The following ADHFE1 variants were observed in gnomAD, a reference collection of about 807,000 sequenced individuals.
The protein encoded by ADHFE1 is hydroxyacid-oxoacid transhydrogenase, mitochondrial.
ADHFE1 carries 37 observed loss-of-function variants against 54.8 expected under a neutral mutation model. The ratio of observed to expected loss-of-function variants is 0.68; its 90% CI spans 0.52 to 0.89. The LOEUF is 0.89. Ranked by LOEUF, ADHFE1 falls within the 40% of genes least tolerant of loss-of-function variation. The pLI, the probability that ADHFE1 is intolerant of heterozygous loss-of-function variation, is 0.00. For missense variants in ADHFE1, 601 were observed against 591.2 expected, an observed-to-expected ratio of 1.02 and a Z score of -0.17; for synonymous variants, 203 against 229.3, an observed-to-expected ratio of 0.89 and a Z score of 1.04.
At chr8:66,442,187 C>A (rs1247829912) in intron 2 of ADHFE1, among the ~76,000 whole-genome samples, 2 of 151,926 alleles carry the variant, frequency 1.3e-5, no homozygotes, top group Non-Finnish European at 2.9e-5. Context: ...CAACTCTAAA[C>A]CAGGGGATTT....
At chr8:66,450,175 C>G (rs904268960) in intron 8 of ADHFE1, among the ~76,000 whole-genome samples, 1 of 152,208 alleles carries the variant, frequency 6.6e-6, no homozygotes, top group African/African-American at 2.4e-5. Context: ...TAACTCCATT[C>G]TGGTCAATAT....
chr8:66,432,950 T>C, intron 1 of ADHFE1: 1 of 1,003,928 alleles, frequency 1.0e-6, no homozygotes, highest in Non-Finnish European at 1.2e-6. Flanking sequence ...TATTCTAGGT[T>C]CTGGGGATAC....
intron 12 of ADHFE1, among the ~76,000 whole-genome samples, chr8:66,458,231 A>T (rs553513779): frequency 3.9e-5 from 6 of 152,344 alleles, no homozygotes; most frequent in Admixed American, 2.0e-4. Flanking sequence ...GAAAGGCTAA[A>T]AAGAAAACTT....
Position 66,444,478 on chromosome 8 carries a change from C to G in ADHFE1, c.198+58C>G, listed in dbSNP as rs375732754. ...GTAAATGTTACATATCTCACAAGAC[C>G]ATGCTAAATGACAACAATCACATCC... On this transcript the variant is annotated intron_variant, in intron 4 of 13. Transcript: ENST00000396623. 1.9e-6 allele frequency: 3 copies of G among 1,607,180 alleles called. No individual in the cohort carries two copies. The African/African-American group carries it at 4.0e-5, about 22-fold the overall frequency.
intron 13 of ADHFE1, among the ~76,000 whole-genome samples, chr8:66,467,469 G>T (rs112425715): frequency 3.3e-5 from 5 of 152,180 alleles, no homozygotes; most frequent in South Asian, 2.1e-4. Context: ...TCTGGTAGGC[G>T]CAGGGCAGAG....
chr8:66,441,800 C>T (rs1361819100), intron 2 of ADHFE1, among the ~76,000 whole-genome samples: 2 of 151,766 alleles, frequency 1.3e-5, no homozygotes, highest in Admixed American at 6.6e-5. Flanking sequence ...TGTGAAACCC[C>T]GTCCCTACTA....
chr8:66,433,963 G>A lies in ADHFE1; in HGVS notation c.59+1388G>A, dbSNP rs552363282. Among the ~76,000 whole-genome samples the A allele has an allele frequency of 8.5e-5, 13 of 152,328 alleles. No homozygotes were observed. The South Asian group carries it at 1.4e-3, about 17-fold the overall frequency. On this transcript the variant is annotated intron_variant, in intron 1 of 13. Coordinates refer to ENST00000396623, the MANE Select transcript of ADHFE1 (RefSeq NM_144650.3). Reference sequence around the variant, plus strand: ...GTGTCACACACAGAATATGTTTTTGGAATGGTTGCATGAAAAGGGAGTATG... The same window carrying A: ...GTGTCACACACAGAATATGTTTTTGAAATGGTTGCATGAAAAGGGAGTATG...
In ADHFE1 at chr8:66,432,552, G is replaced by C. The variant is rs1805250723; in HGVS notation, c.36G>C (p.Leu12Phe). 1 of 1,356,652 alleles carries C rather than the reference G, an allele frequency of 7.4e-7. No homozygotes were observed. The highest frequency in any genetic ancestry group is 9.6e-7 in the Non-Finnish European group (1 of 1,044,704). 84.0% of individuals were successfully genotyped at this position (1,356,652 alleles called of 1,614,324 possible). The change falls in exon 1 of 14, where the codon TTG becomes TTC. Residue 12 changes from leucine to phenylalanine, a missense_variant. Leu to Phe is a conservative substitution (Grantham distance 22). Transcript: ENST00000396623. ...AAAARARVAY[L>F]LRQLQRAACQ... ...CCGCCCGAGCCCGGGTCGCGTACTT[G>C]CTGAGGCAACTGCAACGCGCAGCGT...
In ADHFE1 at chr8:66,460,362, C is replaced by G; in HGVS notation, c.1217C>G (p.Thr406Arg). The G allele has an allele frequency of 2.5e-6, 4 of 1,614,190 alleles. No individual in the cohort carries two copies. The highest frequency in any genetic ancestry group is 3.4e-6 in the Non-Finnish European group (4 of 1,180,024). The part of the protein sequence containing the change: ...IQDAGLVLAD[T>R]LRKFLFDLDV... ...GATGCAGGGCTGGTGTTGGCAGACA[C>G]GCTCCGGAAATTCTTATTCGATCTG... The change falls in exon 13 of 14, where the codon ACG (threonine) becomes AGG (arginine). Residue 406 changes from threonine to arginine, a missense_variant. Thr to Arg is a moderately conservative substitution (Grantham distance 71, BLOSUM62 -1). Transcript: ENST00000396623.
At chr8:66,467,175 G>C (rs899315987) in intron 13 of ADHFE1, among the ~76,000 whole-genome samples, 1 of 152,194 alleles carries the variant, frequency 6.6e-6, no homozygotes, top group Non-Finnish European at 1.5e-5. Context: ...ACCACAGGAG[G>C]TGAGAAGCGC....
At chr8:66,444,508 T>C (rs1586450555) in intron 4 of ADHFE1, 86 bp from the exon 5 acceptor site, 2 of 1,607,030 alleles carry the variant, frequency 1.2e-6, no homozygotes, top group Admixed American at 3.4e-5. Context: ...ACATCCTCTA[T>C]TTTTAAAAAT....
At chr8:66,465,752 A>T (rs890703908) in intron 13 of ADHFE1, among the ~76,000 whole-genome samples, 1 of 151,814 alleles carries the variant, frequency 6.6e-6, no homozygotes, top group Non-Finnish European at 1.5e-5. Flanking sequence ...GGCGTGCACC[A>T]CCACACCCGG....
chr8:66,439,122 T>A lies in ADHFE1; in HGVS notation c.60-1040T>A. Reference sequence around the variant, plus strand: ...AGCCGCGACTCGCGCCAGCTCTCACTCGCCCCCGCGTCTGCTTTGACTTCG... The same window carrying A: ...AGCCGCGACTCGCGCCAGCTCTCACACGCCCCCGCGTCTGCTTTGACTTCG... On this transcript the variant is annotated intron_variant, in intron 1 of 13. Transcript: ENST00000396623. The surrounding 1 kb of genome is among the most constrained non-coding windows in gnomAD (Gnocchi z 4.4). The A allele has an allele frequency of 1.1e-6, 1 of 930,098 alleles. No individual in the cohort carries two copies. The highest frequency in any genetic ancestry group is 1.3e-6 in the Non-Finnish European group (1 of 779,586). 57.6% of individuals were successfully genotyped at this position (930,098 alleles called of 1,614,324 possible). A position where few individuals can be genotyped will look rare whatever the true frequency, so the allele number is the denominator to read the frequency against.
At chr8:66,445,776 C>T (rs970449368) in intron 6 of ADHFE1, among the ~76,000 whole-genome samples, 1 of 152,168 alleles carries the variant, frequency 6.6e-6, no homozygotes, top group African/African-American at 2.4e-5. Flanking sequence ...TTAAGGAGAA[C>T]ATTAGCTGTT....
At chr8:66,435,757 G>A (rs1004352937) in intron 1 of ADHFE1, among the ~76,000 whole-genome samples, 1 of 151,052 alleles carries the variant, frequency 6.6e-6, no homozygotes, top group Non-Finnish European at 1.5e-5. Flanking sequence ...GGACTACAGT[G>A]CACAACATCA....
chr8:66,461,755 G>A (rs762731049), intron 13 of ADHFE1, among the ~76,000 whole-genome samples: 4 of 152,042 alleles, frequency 2.6e-5, no homozygotes, highest in Non-Finnish European at 4.4e-5. Flanking sequence ...CAATCCGGAT[G>A]TTTGTGTTGA....
Position 66,432,509 on chromosome 8 carries a change from C to T in ADHFE1, c.-8C>T, listed in dbSNP as rs2130308371. The stretch of plus-strand genomic sequence containing the variant: ...GCGACCCGAGGAGGGAAGAGGACTC[C>T]AAGCGCCATGGCCGCTGCCGCCCGA... On this transcript the variant is annotated 5_prime_UTR_variant, in exon 1 of 14. Transcript: ENST00000396623. 2.2e-6 allele frequency: 3 copies of T among 1,367,424 alleles called. No homozygotes were observed. The highest frequency in any genetic ancestry group is 1.5e-5 in the African/African-American group (1 of 66,500). 84.7% of individuals were successfully genotyped at this position (1,367,424 alleles called of 1,614,324 possible). A position where few individuals can be genotyped will look rare whatever the true frequency, so the allele number is the denominator to read the frequency against.
intron 1 of ADHFE1, among the ~76,000 whole-genome samples, chr8:66,436,043 G>A (rs1448949389): frequency 1.3e-5 from 2 of 151,406 alleles, no homozygotes; most frequent in African/African-American, 2.4e-5. Flanking sequence ...AGCCTGCTGA[G>A]TAGCTGGGAT....
intron 12 of ADHFE1, among the ~76,000 whole-genome samples, chr8:66,457,991 C>G (rs1806684230): frequency 6.6e-6 from 1 of 152,060 alleles, no homozygotes; most frequent in African/African-American, 2.4e-5. Context: ...ATAAAAATAT[C>G]CTGAAAGAGG....
Sources: gnomAD v4.1 joint callset for allele counts (sites outside exome capture counted in the v4.1 genomes callset) on GRCh38, gnomAD v4.1.1 for gene constraint, Gnocchi (gnomAD v3.1) non-coding constraint, MANE v1.5 for transcripts, NCBI Gene and HGNC (gene_info 2026-07-23, HGNC 2026-07-21) for gene names.